The following ATIC variants were observed in gnomAD, a reference collection of about 807,000 sequenced individuals.
ATIC encodes the protein 5-aminoimidazole-4-carboxamide ribonucleotide formyltransferase/IMP cyclohydrolase, also known as bifunctional purine biosynthesis protein ATIC.
A neutral mutation model predicts 72.5 loss-of-function variants in ATIC; 64 were observed. That is an observed-to-expected ratio of 0.88 (90% CI 0.72 to 1.09). The LOEUF (loss-of-function observed/expected upper bound fraction) is 1.09, where lower values mean the gene tolerates loss of function less well. Ranked by LOEUF, ATIC falls within the 50% of genes least tolerant of loss-of-function variation. The pLI is 0.00. For missense variants in ATIC, 787 were observed against 732.4 expected (o/e 1.07, Z -0.86); for synonymous variants, 281 against 267.1 (o/e 1.05, Z -0.51).
At chr2:215,330,529 T>G (rs1280821955) in intron 7 of ATIC, among the ~76,000 whole-genome samples, 2 of 152,160 alleles carry the variant, frequency 1.3e-5, no homozygotes, top group Non-Finnish European at 2.9e-5. Context: ...GTTCATAGTT[T>G]AACATTCATT....
At chr2:215,323,723 T>G (rs2052793638) in intron 4 of ATIC, among the ~76,000 whole-genome samples, 1 of 152,232 alleles carries the variant, frequency 6.6e-6, no homozygotes, top group South Asian at 2.1e-4. Flanking sequence ...TTGCTCTGGC[T>G]AGAACTTCTA....
At chr2:215,312,246 G>A (rs903693802) in intron 1 of ATIC, 85 bp downstream of exon 1, 8 of 1,457,726 alleles carry the variant, frequency 5.5e-6, no homozygotes, top group East Asian at 5.2e-5. Flanking sequence ...GCGGGACCCG[G>A]CACTGCAGGG....
chr2:215,314,797 A>C (rs1436545070), intron 2 of ATIC, among the ~76,000 whole-genome samples: 2 of 152,090 alleles, frequency 1.3e-5, no homozygotes, highest in Non-Finnish European at 2.9e-5. Context: ...CGAGGCCAAG[A>C]TTTTGTAGGG....
At chr2:215,334,739 A>G (rs2052936622) in intron 9 of ATIC, among the ~76,000 whole-genome samples, 180 bp from the exon 10 acceptor site, 1 of 152,208 alleles carries the variant, frequency 6.6e-6, no homozygotes, top group Non-Finnish European at 1.5e-5. Context: ...AGAGGGTAAA[A>G]TTAAAGAATA....
At chr2:215,312,301 G>T (rs1415594804) in intron 1 of ATIC, 140 bp downstream of exon 1, 1 of 1,448,418 alleles carries the variant, frequency 6.9e-7, no homozygotes, top group Non-Finnish European at 9.2e-7. Context: ...TCCCCGGCCG[G>T]GCCGCAGCCT....
Position 215,325,253 on chromosome 2 carries a change from CA to C in ATIC, c.305del (p.Asn102IlefsTer6), listed in dbSNP as rs1275735361. The C allele has an allele frequency of 1.2e-6, 2 of 1,613,504 alleles. No individual in the cohort carries two copies. The highest frequency in any genetic ancestry group is 1.7e-6 in the Non-Finnish European group (2 of 1,179,488). ...DFNLIRVVAC[N>X]LYPFVKTVAS... ...CTTTGTTTTATAGAGTTGTTGCCTG[CA>C]ATCTCTATCCCTTTGTAAAGACAGT... On this transcript the variant is annotated frameshift_variant, in exon 5 of 16. Transcript: ENST00000236959. LOFTEE classifies it high-confidence loss of function.
chr2:215,328,581 C>T (rs112483164), intron 7 of ATIC, among the ~76,000 whole-genome samples: 1 of 152,170 alleles, frequency 6.6e-6, no homozygotes, highest in African/African-American at 2.4e-5. Context: ...TCAGGCCTCA[C>T]CTCCTCAGAG....
At chr2:215,357,083 G>A in the ATIC span, among the ~76,000 whole-genome samples, 1 of 152,258 alleles carries the variant, frequency 6.6e-6, no homozygotes, top group Non-Finnish European at 1.5e-5. Flanking sequence ...CACCATCGCC[G>A]TACATTTTTG....
the ATIC span, chr2:215,367,762 G>A: frequency 1.2e-5 from 14 of 1,178,266 alleles, no homozygotes; most frequent in Non-Finnish European, 5.0e-6. Flanking sequence ...TTCATGTTTG[G>A]AAGAACCTGT....
chr2:215,335,349 G>A (rs1271713972), intron 10 of ATIC, among the ~76,000 whole-genome samples: 1 of 152,112 alleles, frequency 6.6e-6, no homozygotes, highest in African/African-American at 2.4e-5. Flanking sequence ...TGCATAGTGG[G>A]TAAAAAACAG....
chr2:215,318,885 T>C (rs76193763), intron 3 of ATIC, among the ~76,000 whole-genome samples: 1 of 133,658 alleles, frequency 7.5e-6, no homozygotes. Flanking sequence ...TATATCTCTC[T>C]TTTTTTTTTT....
intron 14 of ATIC, chr2:215,348,583 T>C: frequency 5.3e-6 from 2 of 374,916 alleles, no homozygotes; most frequent in Non-Finnish European, 1.0e-5. Context: ...AGAATCACTT[T>C]TTTTCCTTAA....
At chr2:215,319,799 T>C in intron 4 of ATIC, 68 bp downstream of exon 4, 1 of 1,275,372 alleles carries the variant, frequency 7.8e-7, no homozygotes, top group Non-Finnish European at 1.1e-6. Flanking sequence ...AAACCTGGTG[T>C]CCCTGTGTTT....
downstream of ATIC, among the ~76,000 whole-genome samples, chr2:215,353,198 T>C (rs2053143779): frequency 6.6e-6 from 1 of 152,232 alleles, no homozygotes; most frequent in Non-Finnish European, 1.5e-5. Context: ...TATTCAATTA[T>C]TGATACATTT....
chr2:215,356,119 C>G, the ATIC span, among the ~76,000 whole-genome samples: 2 of 152,212 alleles, frequency 1.3e-5, no homozygotes, highest in Non-Finnish European at 2.9e-5. Flanking sequence ...ACAATACTGA[C>G]GTCTTAGAGT....
At chr2:215,323,563 G>C (rs2052792409) in intron 4 of ATIC, among the ~76,000 whole-genome samples, 1 of 152,018 alleles carries the variant, frequency 6.6e-6, no homozygotes, top group South Asian at 2.1e-4. Context: ...CATATATCCT[G>C]CGGCTTTGCT....
Position 215,346,745 on chromosome 2 carries a change from T to C in ATIC, c.1321-14T>C. 1 of 1,613,950 alleles carries C rather than the reference T, an allele frequency of 6.2e-7. No individual in the cohort carries two copies. The highest frequency in any genetic ancestry group is 1.3e-5 in the African/African-American group (1 of 75,050). Reference sequence around the variant, plus strand: ...TTTGGAAGAGGTGTTCACTTTAATGTCTGTGTTCCTCAGGTTATCGGCATT... The same window carrying C: ...TTTGGAAGAGGTGTTCACTTTAATGCCTGTGTTCCTCAGGTTATCGGCATT... On this transcript the variant is annotated splice_polypyrimidine_tract_variant and intron_variant, in intron 13 of 15. Coordinates refer to ENST00000236959, the MANE Select transcript of ATIC (RefSeq NM_004044.7).
intron 14 of ATIC, 139 bp from the exon 15 acceptor site, chr2:215,348,955 T>TAAA (rs376547846): frequency 3.6e-5 from 20 of 555,418 alleles, no homozygotes; most frequent in Admixed American, 8.7e-5. Flanking sequence ...AAACTCCGTC[T>TAAA]AAAAAAAAAA....
chr2:215,312,386 T>A (rs1575110827), intron 1 of ATIC, 112 bp from the exon 2 acceptor site: 3 of 1,577,086 alleles, frequency 1.9e-6, no homozygotes. Flanking sequence ...GAACGCAGGG[T>A]CCAGGTGCTG....
Sources: allele counts gnomAD v4.1 joint callset (sites outside exome capture counted in the v4.1 genomes callset), GRCh38; gene constraint gnomAD v4.1.1; transcripts MANE v1.5; gene names NCBI Gene and HGNC (gene_info 2026-07-23, HGNC 2026-07-21).